The following OR6N1 variants were observed in gnomAD, a reference collection of about 807,000 sequenced individuals.
OR6N1 encodes the protein olfactory receptor 6N1.
For missense variants in OR6N1, 394 were observed against 371.7 expected, an observed-to-expected ratio of 1.06 and a Z score of -0.49; for synonymous variants, 170 against 150.7, an observed-to-expected ratio of 1.13 and a Z score of -0.94.
At chr1:158,840,268 A>G in the OR6N1 span, among the ~76,000 whole-genome samples, 2 of 152,292 alleles carry the variant, frequency 1.3e-5, no homozygotes, top group East Asian at 3.9e-4. Flanking sequence ...ATGAAGAAAT[A>G]CCTGAGACTG....
chr1:158,815,057 G>A, the OR6N1 span, among the ~76,000 whole-genome samples: 1 of 152,240 alleles, frequency 6.6e-6, no homozygotes, highest in South Asian at 2.1e-4. Context: ...AAGATTAGAA[G>A]AAGGGACCCT....
chr1:158,821,262 C>T, the OR6N1 span, among the ~76,000 whole-genome samples: 3 of 152,168 alleles, frequency 2.0e-5, no homozygotes, highest in Non-Finnish European at 4.4e-5. Flanking sequence ...CATCAACATA[C>T]CCCACCAGAG....
intron 1 of OR6N1, 109 bp downstream of exon 1, chr1:158,771,912 G>A (rs1414840974): frequency 6.6e-6 from 1 of 152,110 alleles, no homozygotes; most frequent in African/African-American, 2.4e-5. Context: ...GTGTTTTATG[G>A]ACCCTGATTA....
At chr1:158,768,979 T>C (rs1571603624) in intron 1 of OR6N1, among the ~76,000 whole-genome samples, 1 of 152,202 alleles carries the variant, frequency 6.6e-6, no homozygotes, top group Non-Finnish European at 1.5e-5. Flanking sequence ...TTTTCTATTT[T>C]GTTTACTGGT....
the OR6N1 span, among the ~76,000 whole-genome samples, chr1:158,778,520 A>G: frequency 6.6e-6 from 1 of 152,228 alleles, no homozygotes; most frequent in Non-Finnish European, 1.5e-5. Context: ...AGCTCACTCA[A>G]TGCTTTAAGA....
the OR6N1 span, among the ~76,000 whole-genome samples, chr1:158,832,302 G>A: frequency 9.3e-4 from 142 of 151,970 alleles, 2 homozygotes; most frequent in African/African-American, 3.3e-3. Context: ...GTTTATAAAC[G>A]TTGGATTCCA....
chr1:158,767,089 A>G (rs1657295502), intron 1 of OR6N1, among the ~76,000 whole-genome samples: 1 of 152,226 alleles, frequency 6.6e-6, no homozygotes, highest in Non-Finnish European at 1.5e-5. Context: ...CTGATAATAT[A>G]TTGATACCGT....
chr1:158,821,429 G>C, the OR6N1 span, among the ~76,000 whole-genome samples: 1 of 152,092 alleles, frequency 6.6e-6, no homozygotes. Context: ...GTATCATATA[G>C]AGTAGTTTCG....
At chr1:158,805,055 A>C in the OR6N1 span, among the ~76,000 whole-genome samples, 2 of 152,236 alleles carry the variant, frequency 1.3e-5, no homozygotes, top group Non-Finnish European at 1.5e-5. Flanking sequence ...TGAAGCAAAT[A>C]AACTTTTAAA....
At chr1:158,807,165 T>C in the OR6N1 span, among the ~76,000 whole-genome samples, 1 of 152,180 alleles carries the variant, frequency 6.6e-6, no homozygotes, top group Non-Finnish European at 1.5e-5. Flanking sequence ...TAGGGTTGAA[T>C]CTGTCTGTCT....
At chr1:158,801,047 C>T in the OR6N1 span, among the ~76,000 whole-genome samples, 4 of 152,098 alleles carry the variant, frequency 2.6e-5, no homozygotes, top group Admixed American at 2.0e-4. Flanking sequence ...CACTTCTCAC[C>T]AATCCATGCA....
the OR6N1 span, among the ~76,000 whole-genome samples, chr1:158,805,746 T>A: frequency 1.3e-5 from 2 of 152,194 alleles, no homozygotes; most frequent in African/African-American, 4.8e-5. Context: ...AAATACCTTC[T>A]GGTGGAGTTT....
At chr1:158,789,607 C>T in the OR6N1 span, among the ~76,000 whole-genome samples, 1,783 of 152,188 alleles carry the variant, frequency 0.012, 29 homozygotes, top group African/African-American at 0.04. Context: ...CTTTTTATTT[C>T]TATAACTCCT....
At chr1:158,832,975 C>T in the OR6N1 span, among the ~76,000 whole-genome samples, 1 of 152,068 alleles carries the variant, frequency 6.6e-6, no homozygotes, top group African/African-American at 2.4e-5. Context: ...CTTTCTTCTT[C>T]TCCTTTCTTG....
the OR6N1 span, among the ~76,000 whole-genome samples, chr1:158,835,890 AT>A: frequency 5.0e-4 from 72 of 145,452 alleles, no homozygotes; most frequent in Admixed American, 9.5e-4. Context: ...TGAGATGATC[AT>A]TTTTTTTTTG....
upstream of OR6N1, among the ~76,000 whole-genome samples, chr1:158,773,632 T>C (rs768902029): frequency 6.6e-5 from 10 of 152,164 alleles, no homozygotes; most frequent in Non-Finnish European, 1.2e-4. Flanking sequence ...ACAAAATCTA[T>C]AGACTGTCAG....
the OR6N1 span, among the ~76,000 whole-genome samples, chr1:158,802,346 A>T: frequency 0.12 from 17,532 of 151,464 alleles, 1,504 homozygotes; most frequent in African/African-American, 0.22. Context: ...TAGCTGGGAC[A>T]ACAGGCATGT....
At chr1:158,831,100 T>C in the OR6N1 span, among the ~76,000 whole-genome samples, 1 of 152,206 alleles carries the variant, frequency 6.6e-6, no homozygotes, top group Non-Finnish European at 1.5e-5. Context: ...CGGTTTCTAA[T>C]GACCTATATG....
At chr1:158,820,770 G>T in the OR6N1 span, among the ~76,000 whole-genome samples, 2 of 152,160 alleles carry the variant, frequency 1.3e-5, no homozygotes, top group Admixed American at 6.5e-5. Context: ...CTTCCCTAGA[G>T]TCAATTCTCT....
Sources: allele counts gnomAD v4.1 joint callset (sites outside exome capture counted in the v4.1 genomes callset), GRCh38; gene constraint gnomAD v4.1.1; transcripts MANE v1.5; gene names NCBI Gene and HGNC (gene_info 2026-07-23, HGNC 2026-07-21).